SYT9: variants seen among roughly 807,000 people sequenced by gnomAD.
SYT9 encodes synaptotagmin-9.
In SYT9, 22 loss-of-function variants were observed where a neutral mutation model predicts 48.4. The observed-to-expected ratio is 0.45, with a 90% CI of 0.32 to 0.65. The LOEUF is 0.65. SYT9 is among the 30% of genes least tolerant of loss of function. The pLI is 0.03. For missense variants in SYT9, 577 were observed against 622.0 expected, an observed-to-expected ratio of 0.93 and a Z score of 0.77; for synonymous variants, 265 against 245.0, an observed-to-expected ratio of 1.08 and a Z score of -0.76.
intron 2 of SYT9, among the ~76,000 whole-genome samples, chr11:7,312,645 G>C (rs1849161667): frequency 6.6e-6 from 1 of 152,180 alleles, no homozygotes; most frequent in Admixed American, 6.5e-5. Context: ...TGGAGTATCA[G>C]TATCCAGCCA....
intron 3 of SYT9, among the ~76,000 whole-genome samples, chr11:7,395,292 G>A (rs531618476): frequency 7.9e-5 from 12 of 152,278 alleles, no homozygotes; most frequent in African/African-American, 2.9e-4. Context: ...ATTATGTTCT[G>A]TGTGCAGATG....
chr11:7,264,602 G>A (rs1419503369), intron 1 of SYT9, among the ~76,000 whole-genome samples: 1 of 152,038 alleles, frequency 6.6e-6, no homozygotes, highest in East Asian at 1.9e-4. Flanking sequence ...TGGAATGCTT[G>A]TTGAGAATGC....
chr11:7,325,673 G>A (rs1421403714), intron 3 of SYT9, among the ~76,000 whole-genome samples: 1 of 96,472 alleles, frequency 1.0e-5, no homozygotes, highest in Non-Finnish European at 2.0e-5. Context: ...GTGAGAGAGG[G>A]CATCTCTGTC....
chr11:7,366,410 C>G (rs550308883), intron 3 of SYT9, among the ~76,000 whole-genome samples: 92 of 152,252 alleles, frequency 6.0e-4, no homozygotes, highest in African/African-American at 1.8e-3. Flanking sequence ...TGAGGTCACT[C>G]TATGCATACT....
chr11:7,249,438 C>T (rs1847832055), upstream of SYT9, among the ~76,000 whole-genome samples: 1 of 152,196 alleles, frequency 6.6e-6, no homozygotes, highest in Admixed American at 6.5e-5. Context: ...TCCAAAAGGA[C>T]ACATGGAATT....
intron 1 of SYT9, among the ~76,000 whole-genome samples, chr11:7,297,649 C>G (rs1462867190): frequency 6.6e-6 from 1 of 152,202 alleles, no homozygotes; most frequent in Admixed American, 6.5e-5. Context: ...AACTTCAGTA[C>G]AGTTTCTCAT....
At chr11:7,343,534 T>C (rs1324942615) in intron 3 of SYT9, among the ~76,000 whole-genome samples, 1 of 152,236 alleles carries the variant, frequency 6.6e-6, no homozygotes, top group Non-Finnish European at 1.5e-5. Context: ...CACCTCAGCC[T>C]GGATTTAATG....
At chr11:7,272,187 G>A (rs1207088143) in intron 1 of SYT9, among the ~76,000 whole-genome samples, 2 of 152,032 alleles carry the variant, frequency 1.3e-5, no homozygotes, top group Non-Finnish European at 2.9e-5. Context: ...ATGCTTATAG[G>A]GGAACTGAGG....
chr11:7,405,974 C>T lies in SYT9; in HGVS notation c.1045-10068C>T, dbSNP rs184319551. ...TTTTATTGTTGAACTAGGGGCTGTT[C>T]TAGGCAGCTGGGATGCAACAAGACA... On this transcript the variant is annotated intron_variant, in intron 3 of 6. Coordinates refer to ENST00000318881, the MANE Select transcript of SYT9 (RefSeq NM_175733.4). 3.7e-4 allele frequency among the ~76,000 whole-genome samples: 57 copies of T among 152,206 alleles called. 1 individual carries two copies. The Middle Eastern group carries it at 0.014, about 36-fold the overall frequency.
intron 1 of SYT9, among the ~76,000 whole-genome samples, chr11:7,270,733 A>C (rs1848278323): frequency 6.6e-6 from 1 of 152,052 alleles, no homozygotes; most frequent in Non-Finnish European, 1.5e-5. Context: ...CTTGGTAACC[A>C]CTGTTAGATG....
intron 3 of SYT9, among the ~76,000 whole-genome samples, chr11:7,345,037 TAGTG>T (rs1849776194): frequency 6.6e-6 from 1 of 152,126 alleles, no homozygotes; most frequent in African/African-American, 2.4e-5. Flanking sequence ...ATCTTAAAAA[TAGTG>T]AGTCTTCCCA....
At chr11:7,261,638 C>T (rs928455762) in intron 1 of SYT9, among the ~76,000 whole-genome samples, 1 of 152,056 alleles carries the variant, frequency 6.6e-6, no homozygotes. Context: ...TAAACTGGCA[C>T]CACTGAGAAG....
At chr11:7,249,270 A>T (rs1847830632), upstream of SYT9, among the ~76,000 whole-genome samples, 1 of 152,240 alleles carries the variant, frequency 6.6e-6, no homozygotes, top group African/African-American at 2.4e-5. Context: ...CTCCAGCAAG[A>T]TATCCTGTAA....
At chr11:7,443,975 T>A (rs945205689) in intron 6 of SYT9, among the ~76,000 whole-genome samples, 1 of 152,356 alleles carries the variant, frequency 6.6e-6, no homozygotes. Context: ...CCAGTTACTA[T>A]AGAAGTAGAT....
At chr11:7,301,380 C>T (rs1253440625) in intron 1 of SYT9, among the ~76,000 whole-genome samples, 3 of 152,160 alleles carry the variant, frequency 2.0e-5, no homozygotes, top group African/African-American at 7.2e-5. Flanking sequence ...TGACCAAGTA[C>T]CTTCAGAGTC....
intron 3 of SYT9, among the ~76,000 whole-genome samples, chr11:7,337,131 AT>A (rs1276287669): frequency 6.6e-6 from 1 of 151,966 alleles, no homozygotes; most frequent in African/African-American, 2.4e-5. Context: ...TGCATTCCTG[AT>A]TTGGCTCTCG....
At chr11:7,454,071 G>A in intron 6 of SYT9, 1 of 985,414 alleles carries the variant, frequency 1.0e-6, no homozygotes, top group Non-Finnish European at 1.2e-6. Context: ...CTAAGTCCAG[G>A]TGAGTCGCCC....
At chr11:7,371,145 T>C (rs1486210049) in intron 3 of SYT9, among the ~76,000 whole-genome samples, 1 of 152,184 alleles carries the variant, frequency 6.6e-6, no homozygotes, top group African/African-American at 2.4e-5. Flanking sequence ...GTAAGATAAA[T>C]TCCTCATCTT....
intron 3 of SYT9, among the ~76,000 whole-genome samples, chr11:7,320,938 ATGT>A (rs1564861190): frequency 6.6e-6 from 1 of 152,134 alleles, no homozygotes; most frequent in African/African-American, 2.4e-5. Flanking sequence ...TTCTGGGTTA[ATGT>A]TGTCTGTCAG....
Sources: gnomAD v4.1 joint callset for allele counts (sites outside exome capture counted in the v4.1 genomes callset) on GRCh38, gnomAD v4.1.1 for gene constraint, MANE v1.5 for transcripts, NCBI Gene and HGNC (gene_info 2026-07-23, HGNC 2026-07-21) for gene names.